SLC5A10: variants seen among roughly 807,000 people sequenced by gnomAD.
The protein encoded by SLC5A10 is sodium/mannose cotransporter SLC5A10.
Under a neutral mutation model 68.9 loss-of-function variants are expected in SLC5A10, and 55 were observed. The observed-to-expected ratio is 0.80, with a 90% CI of 0.64 to 1.00. The LOEUF (loss-of-function observed/expected upper bound fraction) is 1.00. Ranked by LOEUF, SLC5A10 falls within the 50% of genes least tolerant of loss-of-function variation. The pLI, the probability that SLC5A10 is intolerant of heterozygous loss-of-function variation, is 0.00. For synonymous variants in SLC5A10, 344 were observed against 344.8 expected, an observed-to-expected ratio of 1.00 and a Z score of 0.02; for missense variants, 732 against 819.3, an observed-to-expected ratio of 0.89 and a Z score of 1.30.
rs1461189585 is a variant in SLC5A10 at position 19,003,790 on chromosome 17, C to T, written c.983-9620C>T. ...TGTCCTCGGGCCCCTGAGAGGGGCC[C>T]GTGCCCCGAGGGTCCTCAGAGCCCG... On this transcript the variant is annotated intron_variant, in intron 9 of 14. Transcript: ENST00000395645. The surrounding 1 kb of genome is among the most constrained non-coding windows in gnomAD (Gnocchi z 4.5). 5.0e-6 allele frequency: 8 copies of T among 1,611,958 alleles called. No homozygotes were observed. Among genetic ancestry groups the T allele is most frequent in the Non-Finnish European group, 6.8e-6 (8 of 1,179,488 alleles).
intron 5 of SLC5A10, among the ~76,000 whole-genome samples, chr17:18,963,202 G>A (rs2042645627): frequency 6.6e-6 from 1 of 152,210 alleles, no homozygotes; most frequent in African/African-American, 2.4e-5. Context: ...AGAGGGAAGA[G>A]TTCAGTGAAG....
Position 19,022,469 on chromosome 17 carries a change from G to A in SLC5A10, c.*2038G>A. 3.4e-6 allele frequency: 1 copy of A among 294,670 alleles called. No individual in the cohort carries two copies. The highest frequency in any genetic ancestry group is 6.3e-6 in the Non-Finnish European group (1 of 159,798). The allele number at this position is 294,670 out of a possible 1,614,324, so 18.3% of individuals were successfully genotyped here. ...TTGGTTAGGTCCCTGCTTCTCTTGG[G>A]ATCTTATTTACCCGACTCTGCAGCA... On this transcript the variant is annotated 3_prime_UTR_variant, in exon 15 of 15. Coordinates refer to ENST00000395645, the MANE Select transcript of SLC5A10 (RefSeq NM_001042450.4).
At chr17:18,970,620 C>T (rs2042818519) in intron 7 of SLC5A10, 1 of 272,934 alleles carries the variant, frequency 3.7e-6, no homozygotes, top group African/African-American at 2.2e-5. Context: ...CTTTAGAAGC[C>T]TCAGGAAGGT....
chr17:18,976,679 T>G (rs2042987779), intron 8 of SLC5A10, 175 bp from the exon 9 acceptor site: 1 of 778,466 alleles, frequency 1.3e-6, no homozygotes. Context: ...TGAAGTGAGC[T>G]CTCCTGGTGG....
chr17:18,976,682 C>T, intron 8 of SLC5A10, 172 bp from the exon 9 acceptor site: 1 of 825,012 alleles, frequency 1.2e-6, no homozygotes, highest in East Asian at 2.7e-5. Flanking sequence ...AGTGAGCTCT[C>T]CTGGTGGGAC....
rs1237724960 is a variant in SLC5A10, at chr17:18,968,405, G to A, written c.454-647G>A. Among the ~76,000 whole-genome samples the A allele has an allele frequency of 6.6e-6, 1 of 152,218 alleles. No individual in the cohort carries two copies. The highest frequency in any genetic ancestry group is 1.5e-5 in the Non-Finnish European group (1 of 68,032). On this transcript the variant is annotated intron_variant, in intron 5 of 14. Coordinates refer to ENST00000395645, the MANE Select transcript of SLC5A10 (RefSeq NM_001042450.4). The surrounding 1 kb of genome is among the most constrained non-coding windows in gnomAD (Gnocchi z 4.1). ...TGGAGGGTGGGATTCTGGTCTTTGA[G>A]GCCCATGCCAGGCAGAGGTTGGCCT...
chr17:19,008,501 A>AC (rs1483795334), intron 9 of SLC5A10, among the ~76,000 whole-genome samples: 2 of 141,654 alleles, frequency 1.4e-5, no homozygotes, highest in African/African-American at 2.6e-5. Context: ...AGCCTCACAG[A>AC]TTTTTTTTTT....
chr17:19,016,788 G>A (rs2044150000), intron 11 of SLC5A10, among the ~76,000 whole-genome samples: 1 of 152,150 alleles, frequency 6.6e-6, no homozygotes, highest in African/African-American at 2.4e-5. Context: ...CTCAGAAGCT[G>A]TGTGGCCTGG....
At position 19,010,153 on chromosome 17, in the gene SLC5A10, C is replaced by T. The variant is rs1368677487; in HGVS notation, c.983-3257C>T. On this transcript the variant is annotated intron_variant, in intron 9 of 14. Transcript: ENST00000395645. ...GGGTTTGAGCAGGGAAGAGCGTGGG[C>T]GGATTGGTGGGTTTCGAAGTTCCCT... Among the ~76,000 whole-genome samples, 8 of 151,818 alleles carry T rather than the reference C, an allele frequency of 5.3e-5. 1 individual carries two copies. The highest frequency in any genetic ancestry group is 4.2e-4 in the South Asian group (2 of 4,800).
chr17:18,970,881 G>A, intron 7 of SLC5A10, 132 bp from the exon 8 acceptor site: 1 of 757,570 alleles, frequency 1.3e-6, no homozygotes, highest in South Asian at 1.7e-5. Context: ...CCAAACACTG[G>A]GAAAGATGAG....
chr17:18,965,216 G>T (rs2042687555), intron 5 of SLC5A10, among the ~76,000 whole-genome samples: 1 of 152,126 alleles, frequency 6.6e-6, no homozygotes, highest in Admixed American at 6.5e-5. Context: ...TTTGGGGAGT[G>T]GGTGTGTGTT....
Position 19,017,182 on chromosome 17 carries a change from C to A in SLC5A10, c.1241+1983C>A. The A allele has an allele frequency of 1.9e-6, 2 of 1,078,026 alleles. No homozygotes were observed. The highest frequency in any genetic ancestry group is 2.7e-6 in the Non-Finnish European group (2 of 732,364). 66.8% of individuals were successfully genotyped at this position (1,078,026 alleles called of 1,614,324 possible). Reference sequence around the variant, plus strand: ...GCGTGGTGCAGGGCAGGTTGCTCACCCTCTCTGGGCCCCAGTTCTCTCAGC... The same window carrying A: ...GCGTGGTGCAGGGCAGGTTGCTCACACTCTCTGGGCCCCAGTTCTCTCAGC... On this transcript the variant is annotated intron_variant, in intron 11 of 14. Transcript: ENST00000395645. This position sits in a 1 kb window ranked among gnomAD's most constrained non-coding sequence, Gnocchi z 5.6.
rs1225807334 is a variant in SLC5A10, at chr17:18,971,724, C to A, written c.846+506C>A. ...TTATCCCTAGTCCCTGAGGCAGGGA[C>A]CCTGTGATGATGAAACTGCTGGCCC... On this transcript the variant is annotated intron_variant, in intron 8 of 14. Transcript: ENST00000395645. This position sits in a 1 kb window ranked among gnomAD's most constrained non-coding sequence, Gnocchi z 5.5. 4 of 1,579,954 alleles carry A rather than the reference C, an allele frequency of 2.5e-6. No individual in the cohort carries two copies. The highest frequency in any genetic ancestry group is 2.3e-5 in the South Asian group (2 of 86,852).
chr17:18,995,460 AAC>A (rs1360896878), intron 9 of SLC5A10, among the ~76,000 whole-genome samples: 24 of 152,366 alleles, frequency 1.6e-4, no homozygotes, highest in Admixed American at 4.6e-4. Flanking sequence ...AAAGAACATG[AAC>A]ACAGCATCAG....
At chr17:19,019,344 G>A (rs2152163764) in intron 11 of SLC5A10, 79 bp from the exon 12 acceptor site, 1 of 1,517,762 alleles carries the variant, frequency 6.6e-7, no homozygotes, top group Non-Finnish European at 8.8e-7. Context: ...TAGAGAGCAA[G>A]TCTTAGTGAC....
At chr17:18,990,217 G>A (rs2043378954) in intron 9 of SLC5A10, among the ~76,000 whole-genome samples, 2 of 152,172 alleles carry the variant, frequency 1.3e-5, no homozygotes, top group Admixed American at 1.3e-4. Flanking sequence ...CCCTGACCTA[G>A]GAGATGTTCA....
rs2043031220 is a variant in SLC5A10, at chr17:18,978,122, A to G, written c.982+1133A>G. The G allele has an allele frequency of 4.0e-6, 6 of 1,518,032 alleles. No homozygotes were observed. Among genetic ancestry groups the G allele is most frequent in the African/African-American group, 1.4e-5 (1 of 71,910 alleles). 94.0% of individuals were successfully genotyped at this position (1,518,032 alleles called of 1,614,324 possible). ...AATATCACTGCTGTCCCGGGCTAGT[A>G]CATCTGCCACAGGGACTGTCCGGGG... On this transcript the variant is annotated intron_variant, in intron 9 of 14. Coordinates refer to ENST00000395645, the MANE Select transcript of SLC5A10 (RefSeq NM_001042450.4).
chr17:18,980,542 A>G (rs557460077), intron 9 of SLC5A10, among the ~76,000 whole-genome samples: 1 of 152,204 alleles, frequency 6.6e-6, no homozygotes, highest in African/African-American at 2.4e-5. Context: ...CCCAGTGTGG[A>G]GTCTCTGGAG....
At position 18,992,250 on chromosome 17, in the gene SLC5A10, C is replaced by T. The variant is rs539684214; in HGVS notation, c.982+15261C>T. Among the ~76,000 whole-genome samples the T allele has an allele frequency of 8.5e-5, 13 of 152,316 alleles. No homozygotes were observed. The South Asian group carries it at 2.7e-3, about 32-fold the overall frequency. ...TCTGCCTGTGTCTCGAATCCCCCAC[C>T]TCCCTCTGTGTCCTTGGGACAGGGG... On this transcript the variant is annotated intron_variant, in intron 9 of 14. Transcript: ENST00000395645.
Sources: allele counts gnomAD v4.1 joint callset (sites outside exome capture counted in the v4.1 genomes callset), GRCh38; gene constraint gnomAD v4.1.1; non-coding constraint Gnocchi (gnomAD v3.1); transcripts MANE v1.5; gene names NCBI Gene and HGNC (gene_info 2026-07-23, HGNC 2026-07-21).